The following RARS2 variants were observed in gnomAD, a reference collection of about 807,000 sequenced individuals.
RARS2 encodes probable arginine--tRNA ligase, mitochondrial.
RARS2 carries 67 observed loss-of-function variants against 88.5 expected under a neutral mutation model. The ratio of observed to expected loss-of-function variants is 0.76; its 90% CI spans 0.62 to 0.93. RARS2 has a LOEUF of 0.93. RARS2 is among the 40% of genes least tolerant of loss of function. The probability of loss-of-function intolerance (pLI) is 0.00; values close to 1 mark genes in which losing one functional copy is unlikely to be tolerated. For synonymous variants in RARS2, 239 were observed against 230.3 expected (o/e 1.04, Z -0.34); for missense variants, 664 against 684.2 (o/e 0.97, Z 0.33).
In RARS2 at chr6:87,575,225, G is replaced by GCACACACACACACACA. The variant is rs58168335; in HGVS notation, c.37-5651_37-5636dup. 2.7e-3 allele frequency among the ~76,000 whole-genome samples: 304 copies of GCACACACACACACACA among 114,634 alleles called. 5 individuals carry two copies. The highest frequency in any genetic ancestry group is 4.7e-3 in the Middle Eastern group (1 of 212). The allele number at this position is 114,634 out of a possible 152,430, so 75.2% of individuals were successfully genotyped here. On this transcript the variant is annotated intron_variant, in intron 1 of 19. Coordinates refer to ENST00000369536, the MANE Select transcript of RARS2 (RefSeq NM_020320.5). The stretch of plus-strand genomic sequence containing the variant: ...AGAGATGAACCCTAAAAAATAGAAA[G>GCACACACACACACACA]CACACACACACACACACACACACAC...
chr6:87,569,616 T>C, intron 1 of RARS2, 26 bp from the exon 2 acceptor site: 2 of 1,534,936 alleles, frequency 1.3e-6, no homozygotes, highest in African/African-American at 1.4e-5. Context: ...AACAAAACAG[T>C]GTAAGATTGT....
At chr6:87,547,684 C>G (rs1318364297) in intron 6 of RARS2, among the ~76,000 whole-genome samples, 1 of 151,546 alleles carries the variant, frequency 6.6e-6, no homozygotes, top group Non-Finnish European at 1.5e-5. Context: ...AGCTCTGTCA[C>G]CCAGGCTGTA....
chr6:87,589,821 G>A lies in RARS2; in HGVS notation c.36+101C>T. 4 of 1,612,946 alleles carry A rather than the reference G, an allele frequency of 2.5e-6. No homozygotes were observed. In the Admixed American group the frequency reaches 5.0e-5, roughly 20 times the overall value. On this transcript the variant is annotated intron_variant, in intron 1 of 19. Coordinates refer to ENST00000369536, the MANE Select transcript of RARS2 (RefSeq NM_020320.5). ...TGGTAGAAACTAACAGGATTCCGTG[G>A]GACCCACCCTCCAGCTGACTGAGGA... is the stretch of plus-strand genomic sequence containing the variant.
chr6:87,549,378 A>AAAAT (rs72312471), intron 5 of RARS2, among the ~76,000 whole-genome samples: 12 of 151,058 alleles, frequency 7.9e-5, no homozygotes, highest in East Asian at 3.9e-4. Flanking sequence ...AATAAAAAAT[A>AAAAT]AAATAAATAA....
intron 7 of RARS2, among the ~76,000 whole-genome samples, chr6:87,543,337 CA>C (rs1781623416): frequency 6.6e-6 from 1 of 151,048 alleles, no homozygotes; most frequent in Admixed American, 6.6e-5. Flanking sequence ...AAAACAAAAG[CA>C]AAAAAACAAA....
At chr6:87,553,913 G>A (rs1311857039) in intron 5 of RARS2, among the ~76,000 whole-genome samples, 1 of 152,152 alleles carries the variant, frequency 6.6e-6, no homozygotes, top group African/African-American at 2.4e-5. Context: ...ACAAATTCAT[G>A]AGTTTGCTCT....
chr6:87,536,547 G>C (rs570675014), intron 8 of RARS2, among the ~76,000 whole-genome samples: 1 of 150,734 alleles, frequency 6.6e-6, no homozygotes. Context: ...TGAGGCAGGA[G>C]AATCATTTGA....
intron 7 of RARS2, among the ~76,000 whole-genome samples, chr6:87,544,211 A>C (rs1781894656): frequency 6.6e-6 from 1 of 152,250 alleles, no homozygotes; most frequent in Admixed American, 6.5e-5. Context: ...CTATCTATTA[A>C]GTCTGACTAT....
rs927427873 is a variant in RARS2 at position 87,521,502 on chromosome 6, G to T, written c.997C>A (p.Arg333=). 2 of 1,611,994 alleles carry T rather than the reference G, an allele frequency of 1.2e-6. No homozygotes were observed. Among genetic ancestry groups the T allele is most frequent in the Non-Finnish European group, 1.7e-6 (2 of 1,178,540 alleles). ...GTATCAAAATTATACTTGTCCATTC[G>T]ATCTATAGCAGCTGCAAGATCTCTG... ...ATRDLAAAID[R]MDKYNFDTMI... is the part of the protein sequence containing the mutation. The change falls in exon 12 of 20, where the codon CGA becomes AGA. Residue 333 remains arginine, a synonymous_variant. Coordinates refer to ENST00000369536, the MANE Select transcript of RARS2 (RefSeq NM_020320.5).
chr6:87,533,197 A>G (rs894035181), intron 8 of RARS2, among the ~76,000 whole-genome samples: 1 of 152,058 alleles, frequency 6.6e-6, no homozygotes, highest in African/African-American at 2.4e-5. Flanking sequence ...AAAATCTATT[A>G]TGCATTATGA....
intron 16 of RARS2, 43 bp from the exon 17 acceptor site, chr6:87,518,307 G>T (rs1451620892): frequency 6.2e-7 from 1 of 1,613,342 alleles, no homozygotes; most frequent in Non-Finnish European, 8.5e-7. Context: ...AGATTAAAAA[G>T]TCATACAAGG....
At chr6:87,515,855 G>A (rs1771513737) in intron 18 of RARS2, 1 of 151,974 alleles carries the variant, frequency 6.6e-6, no homozygotes, top group African/African-American at 2.4e-5. Context: ...CTACTAGGGA[G>A]GCTGAGGCAG....
At chr6:87,569,990 T>C (rs182337148) in intron 1 of RARS2, among the ~76,000 whole-genome samples, 1 of 151,478 alleles carries the variant, frequency 6.6e-6, no homozygotes, top group African/African-American at 2.4e-5. Flanking sequence ...AGTGGCTACT[T>C]AATGTGCCAG....
chr6:87,524,316 A>G (rs1774958035), intron 11 of RARS2, among the ~76,000 whole-genome samples: 1 of 152,190 alleles, frequency 6.6e-6, no homozygotes, highest in South Asian at 2.1e-4. Context: ...ATGTGCATGT[A>G]AGATGTTCTT....
At chr6:87,578,271 A>AT (rs1237101597) in intron 1 of RARS2, among the ~76,000 whole-genome samples, 2 of 152,262 alleles carry the variant, frequency 1.3e-5, no homozygotes. Flanking sequence ...AAAACTCATT[A>AT]TAATACAGCC....
At chr6:87,579,898 A>G (rs566634385) in intron 1 of RARS2, among the ~76,000 whole-genome samples, 14 of 151,604 alleles carry the variant, frequency 9.2e-5, no homozygotes, top group Admixed American at 4.6e-4. Context: ...GGCACCCACT[A>G]TGCCCAGCTA....
chr6:87,554,319 GAC>G (rs1236875775), intron 5 of RARS2, among the ~76,000 whole-genome samples: 4 of 152,056 alleles, frequency 2.6e-5, no homozygotes, highest in Non-Finnish European at 5.9e-5. Context: ...CCAAATATCA[GAC>G]AGTTATACTG....
chr6:87,514,991 A>C lies in RARS2; in HGVS notation c.1616T>G (p.Leu539Arg). 6.2e-7 allele frequency: 1 copy of C among 1,613,550 alleles called. No individual in the cohort carries two copies. The highest frequency in any genetic ancestry group is 8.5e-7 in the Non-Finnish European group (1 of 1,179,466). Residue 539 changes from leucine (L) to arginine (R), a missense_variant, in exon 19 of 20, where the codon CTA becomes CGA. Physicochemically the swap from Leu to Arg is moderately radical, Grantham distance 102. Transcript: ENST00000369536. ...SHLAAVAHKT[L>R]QIKDSPPEVA... is the part of the protein sequence containing the mutation. ...TTCAGGAGGACTATCTTTTATTTGTAGTGTTTTGTGTGCCACAGCTGCAAG... is the reference window on the plus strand; with the variant it reads ...TTCAGGAGGACTATCTTTTATTTGTCGTGTTTTGTGTGCCACAGCTGCAAG...
At chr6:87,522,237 G>A (rs988618198) in intron 11 of RARS2, among the ~76,000 whole-genome samples, 7 of 151,282 alleles carry the variant, frequency 4.6e-5, no homozygotes, top group African/African-American at 1.7e-4. Flanking sequence ...GGCTGAGGCA[G>A]GAGAATCGCT....
Sources: allele counts gnomAD v4.1 joint callset (sites outside exome capture counted in the v4.1 genomes callset), GRCh38; gene constraint gnomAD v4.1.1; transcripts MANE v1.5; gene names NCBI Gene and HGNC (gene_info 2026-07-23, HGNC 2026-07-21).